NLGN4X: variants seen among roughly 807,000 people sequenced by gnomAD.
The protein encoded by NLGN4X is neuroligin 4 X-linked, also known as neuroligin-4, X-linked.
In NLGN4X, 3 loss-of-function variants were observed where a neutral mutation model predicts 40.3. That is an observed-to-expected ratio of 0.07 (90% CI 0.03 to 0.19). NLGN4X has a LOEUF of 0.19. NLGN4X is among the 10% of genes least tolerant of loss of function. The pLI, the probability that NLGN4X is intolerant of heterozygous loss-of-function variation, is 1.00. For synonymous variants in NLGN4X, 270 were observed against 306.8 expected (o/e 0.88, Z 1.25); for missense variants, 382 against 708.3 (o/e 0.54, Z 5.23).
chrX:6,111,721 G>A (rs1262407571), intron 2 of NLGN4X, among the ~76,000 whole-genome samples: 1 of 111,294 alleles, frequency 9.0e-6, no homozygotes, highest in Non-Finnish European at 1.9e-5. Flanking sequence ...ACTCCAGCCT[G>A]AGCAACAGAA....
At chrX:5,919,216 C>A in intron 3 of NLGN4X, among the ~76,000 whole-genome samples, 1 of 104,572 alleles carries the variant, frequency 9.6e-6, no homozygotes, top group Non-Finnish European at 1.9e-5. Context: ...TCCAACAAAG[C>A]AATCCTCCTG....
chrX:6,158,925 C>T (rs2040328747), intron 1 of NLGN4X, among the ~76,000 whole-genome samples: 1 of 111,953 alleles, frequency 8.9e-6, no homozygotes, highest in Non-Finnish European at 1.9e-5. Context: ...CGTTAGTTTG[C>T]TGAGGATAAA....
chrX:6,131,822 A>G lies in NLGN4X; in HGVS notation c.472+19173T>C, dbSNP rs190403333. 1.5e-3 allele frequency among the ~76,000 whole-genome samples: 163 copies of G among 111,762 alleles called. 1 individual carries two copies. Among genetic ancestry groups the G allele is most frequent in the African/African-American group, 5.0e-3 (153 of 30,764 alleles). ...ACAAGCATTTGTTCAATTGCTCCAC[A>G]TTCTTCAGTGTTCCCCAAGCACAAC... On this transcript the variant is annotated intron_variant, in intron 2 of 5. Transcript: ENST00000381095.
chrX:5,920,069 C>T (rs1295674900), intron 3 of NLGN4X, among the ~76,000 whole-genome samples: 2 of 111,423 alleles, frequency 1.8e-5, no homozygotes, highest in African/African-American at 6.5e-5. Context: ...ATGTTTTCTT[C>T]TAAACAAAGC....
intron 3 of NLGN4X, among the ~76,000 whole-genome samples, chrX:5,923,064 T>C (rs779682132): frequency 2.4e-4 from 27 of 111,606 alleles, no homozygotes; most frequent in African/African-American, 7.5e-4. Flanking sequence ...TCCAAACCTA[T>C]TCATCACTAC....
At chrX:5,994,608 T>C (rs1482678845) in intron 3 of NLGN4X, among the ~76,000 whole-genome samples, 1 of 112,077 alleles carries the variant, frequency 8.9e-6, no homozygotes. Flanking sequence ...AACAATTTCA[T>C]GTATCTTTCA....
intron 3 of NLGN4X, among the ~76,000 whole-genome samples, chrX:5,942,445 C>T (rs1283309327): frequency 9.0e-6 from 1 of 110,730 alleles, no homozygotes; most frequent in Non-Finnish European, 1.9e-5. Context: ...AATCCCAGCA[C>T]TTTGGGAGGC....
At chrX:6,182,268 G>A (rs1337188325) in intron 1 of NLGN4X, among the ~76,000 whole-genome samples, 3 of 111,684 alleles carry the variant, frequency 2.7e-5, no homozygotes, top group South Asian at 7.5e-4. Flanking sequence ...ACCTTCCATC[G>A]AGTATACAAT....
At chrX:6,227,971 G>A (rs1019149782) in intron 1 of NLGN4X, 3 of 112,983 alleles carry the variant, frequency 2.7e-5, no homozygotes, top group Non-Finnish European at 5.5e-5. Flanking sequence ...GGGGGGGGTG[G>A]GGGGGGAGAG....
intron 1 of NLGN4X, among the ~76,000 whole-genome samples, chrX:6,218,564 C>T (rs768538501): frequency 9.1e-6 from 1 of 110,352 alleles, no homozygotes; most frequent in Non-Finnish European, 1.9e-5. Flanking sequence ...ACCAGAGGTG[C>T]AAAATAACAT....
chrX:6,089,253 C>T (rs1164738139), intron 2 of NLGN4X, among the ~76,000 whole-genome samples: 2 of 111,873 alleles, frequency 1.8e-5, no homozygotes, highest in Non-Finnish European at 3.8e-5. Flanking sequence ...TAAATGTTAA[C>T]GCCTATTAAA....
Position 5,890,566 on chromosome X carries a change from T to A in NLGN4X, c.*2251A>T, listed in dbSNP as rs775505725. 3.1e-6 allele frequency: 1 copy of A among 322,783 alleles called. No homozygotes were observed. Among genetic ancestry groups the A allele is most frequent in the African/African-American group, 2.7e-5 (1 of 37,425 alleles). The allele number at this position is 322,783 out of a possible 1,213,427, so 26.6% of individuals were successfully genotyped here. A position where few individuals can be genotyped will look rare whatever the true frequency, so the allele number is the denominator to read the frequency against. On this transcript the variant is annotated 3_prime_UTR_variant, in exon 6 of 6. Coordinates refer to ENST00000381095, the MANE Select transcript of NLGN4X (RefSeq NM_181332.3). The stretch of plus-strand genomic sequence containing the variant: ...ACCAACATGGATGCCACACATAACT[T>A]CCTTTGTAGTTTCACAGAGAGCCTA...
At chrX:6,204,140 G>A (rs1410356473) in intron 1 of NLGN4X, among the ~76,000 whole-genome samples, 5 of 112,354 alleles carry the variant, frequency 4.5e-5, no homozygotes, top group Non-Finnish European at 9.4e-5. Flanking sequence ...AAACGAAGAA[G>A]GAAGAAAAGA....
intron 2 of NLGN4X, among the ~76,000 whole-genome samples, chrX:6,062,635 G>A (rs965500149): frequency 4.2e-4 from 47 of 110,722 alleles, no homozygotes; most frequent in African/African-American, 1.5e-3. Context: ...TCATAATCGT[G>A]GGAGGGACCT....
At chrX:6,146,947 T>G (rs913731810) in intron 2 of NLGN4X, among the ~76,000 whole-genome samples, 17 of 110,018 alleles carry the variant, frequency 1.5e-4, no homozygotes, top group Non-Finnish European at 2.8e-4. Context: ...CACACCACCA[T>G]GCCCAGCTAA....
chrX:6,163,807 T>C (rs1296883050), intron 1 of NLGN4X, among the ~76,000 whole-genome samples: 1 of 112,773 alleles, frequency 8.9e-6, no homozygotes, highest in Admixed American at 9.4e-5. Context: ...AATGCTTACA[T>C]TCATTGCTAG....
chrX:6,078,001 C>T (rs1316448261), intron 2 of NLGN4X, among the ~76,000 whole-genome samples: 1 of 111,682 alleles, frequency 9.0e-6, no homozygotes, highest in East Asian at 2.8e-4. Context: ...ACTCCTACCA[C>T]TAAGTTTATT....
chrX:5,966,254 TACAG>T (rs1440653735), intron 3 of NLGN4X, among the ~76,000 whole-genome samples: 1 of 112,731 alleles, frequency 8.9e-6, no homozygotes, highest in African/African-American at 3.2e-5. Flanking sequence ...CACAAAATAG[TACAG>T]ACAGTTTGGC....
intron 2 of NLGN4X, among the ~76,000 whole-genome samples, chrX:6,044,077 A>C (rs756760624): frequency 1.1e-5 from 1 of 94,537 alleles, no homozygotes; most frequent in South Asian, 5.0e-4. Context: ...AGACCAGTCT[A>C]GGAACATAAT....
Sources: allele counts gnomAD v4.1 joint callset (sites outside exome capture counted in the v4.1 genomes callset), GRCh38; gene constraint gnomAD v4.1.1; transcripts MANE v1.5; gene names NCBI Gene and HGNC (gene_info 2026-07-23, HGNC 2026-07-21).